POU3F3: variants seen among roughly 807,000 people sequenced by gnomAD.
POU3F3 encodes the protein POU class 3 homeobox 3, also known as POU domain, class 3, transcription factor 3.
POU3F3 carries 1 observed loss-of-function variant against 8.6 expected under a neutral mutation model. That is an observed-to-expected ratio of 0.12 (90% confidence interval 0.04 to 0.55). The LOEUF (loss-of-function observed/expected upper bound fraction) is 0.55. POU3F3 is among the 20% of genes least tolerant of loss of function. The pLI is 0.91. For missense variants in POU3F3, 577 were observed against 690.7 expected, an observed-to-expected ratio of 0.84 and a Z score of 1.84; for synonymous variants, 418 against 327.4, an observed-to-expected ratio of 1.28 and a Z score of -2.99.
chr2:104,884,688 T>C, the POU3F3 span, among the ~76,000 whole-genome samples: 1 of 152,198 alleles, frequency 6.6e-6, no homozygotes, highest in African/African-American at 2.4e-5. Context: ...ACAAGGACTC[T>C]TCTCTAACTC....
Position 104,856,830 on chromosome 2 carries a change from C to G in POU3F3, c.1320C>G (p.Ala440=). The change falls in exon 1 of 1, where the codon GCC becomes GCG. Residue 440 remains alanine, a synonymous_variant. Transcript: ENST00000361360. ...KPSAQEITNL[A]DSLQLEKEVV... The stretch of plus-strand genomic sequence containing the variant: ...CCGCGCAGGAGATCACCAACCTGGC[C>G]GACAGCCTGCAGCTCGAGAAGGAGG... 1 of 1,614,116 alleles carries G rather than the reference C, an allele frequency of 6.2e-7. No individual in the cohort carries two copies.
the POU3F3 span, among the ~76,000 whole-genome samples, chr2:104,895,317 G>T: frequency 6.6e-6 from 1 of 152,132 alleles, no homozygotes; most frequent in African/African-American, 2.4e-5. Flanking sequence ...CAAAATACAA[G>T]CAGGCGCTAT....
the POU3F3 span, among the ~76,000 whole-genome samples, chr2:104,902,382 A>G: frequency 6.6e-6 from 1 of 152,182 alleles, no homozygotes; most frequent in Non-Finnish European, 1.5e-5. Context: ...CTCTTTAGAG[A>G]TCAAAGAAAT....
At position 104,854,995 on chromosome 2, in the gene POU3F3, G is replaced by T. The variant is rs760380096; in HGVS notation, c.-516G>T. Among the ~76,000 whole-genome samples, 1 of 152,160 alleles carries T rather than the reference G, an allele frequency of 6.6e-6. No individual in the cohort carries two copies. The highest frequency in any genetic ancestry group is 1.5e-5 in the Non-Finnish European group (1 of 67,996). ...AGCAGGTGGACGGAGCCCCGCGACC[G>T]GGCAGAGTCCGGGCTCGCCCGAGGA... On this transcript the variant is annotated 5_prime_UTR_variant, in exon 1 of 1. Coordinates refer to ENST00000361360, the MANE Select transcript of POU3F3 (RefSeq NM_006236.3). The surrounding 1 kb of genome is among the most constrained non-coding windows in gnomAD (Gnocchi z 4.5).
the POU3F3 span, among the ~76,000 whole-genome samples, chr2:104,909,284 G>A: frequency 2.6e-5 from 4 of 152,226 alleles, no homozygotes; most frequent in African/African-American, 9.6e-5. Flanking sequence ...ACTGCCTGAT[G>A]AGGGAGAAAA....
chr2:104,864,349 T>TC, the POU3F3 span, among the ~76,000 whole-genome samples: 2 of 151,864 alleles, frequency 1.3e-5, no homozygotes, highest in African/African-American at 2.4e-5. Context: ...CATTCCCCCT[T>TC]CCCCCCGCAC....
chr2:104,897,783 A>G, the POU3F3 span, among the ~76,000 whole-genome samples: 1 of 152,220 alleles, frequency 6.6e-6, no homozygotes, highest in Non-Finnish European at 1.5e-5. Flanking sequence ...ATGCATTTCA[A>G]CCAAGGTTTA....
the POU3F3 span, among the ~76,000 whole-genome samples, chr2:104,893,243 AACTCTCCGATGG>A: frequency 2.0e-5 from 3 of 152,332 alleles, no homozygotes; most frequent in East Asian, 5.8e-4. Context: ...ATGAGTTAGA[AACTCTCCGATGG>A]TGAGGATGGT....
the POU3F3 span, among the ~76,000 whole-genome samples, chr2:104,916,959 T>C: frequency 6.6e-6 from 1 of 152,168 alleles, no homozygotes; most frequent in Non-Finnish European, 1.5e-5. Context: ...CCAATGTGGG[T>C]GGGCACCATC....
At chr2:104,866,179 C>T in the POU3F3 span, 43 of 152,066 alleles carry the variant, frequency 2.8e-4, no homozygotes, top group Admixed American at 2.8e-3. Context: ...TAACAAGAGA[C>T]GGGTATTAAG....
the POU3F3 span, among the ~76,000 whole-genome samples, chr2:104,909,527 G>A: frequency 1.1e-4 from 17 of 152,338 alleles, no homozygotes; most frequent in Admixed American, 7.8e-4. Context: ...TGTTCCGGCC[G>A]GACATGGCCC....
downstream of POU3F3, among the ~76,000 whole-genome samples, chr2:104,863,031 G>GC (rs1454854193): frequency 6.6e-6 from 1 of 151,660 alleles, no homozygotes; most frequent in Non-Finnish European, 1.5e-5. Flanking sequence ...GTCTATCGGG[G>GC]TTACTGATAA....
At position 104,855,920 on chromosome 2, in the gene POU3F3, CG is replaced by C; in HGVS notation, c.411del (p.Gln138SerfsTer12). ...ATGGCTGGCAGCCCCCAGCAGCCACCGCAGCCGCCGCCGCCACCGCCGCAGG... is the reference window on the plus strand; with the variant it reads ...ATGGCTGGCAGCCCCCAGCAGCCACCCAGCCGCCGCCGCCACCGCCGCAGG... ...VGMAGSPQQP[P>X]QPPPPPPQGP... is the part of the protein sequence containing the mutation. On this transcript the variant is annotated frameshift_variant, in exon 1 of 1. Transcript: ENST00000361360. LOFTEE classifies it low-confidence loss of function (END_TRUNC). 9.4e-7 allele frequency: 1 copy of C among 1,063,860 alleles called. No individual in the cohort carries two copies. The allele number at this position is 1,063,860 out of a possible 1,614,324, so 65.9% of individuals were successfully genotyped here.
chr2:104,912,784 C>T, the POU3F3 span, among the ~76,000 whole-genome samples: 4 of 152,296 alleles, frequency 2.6e-5, no homozygotes, highest in Non-Finnish European at 5.9e-5. Flanking sequence ...TGAGCAGCCC[C>T]GTGTGACCCC....
At chr2:104,872,048 C>T in the POU3F3 span, among the ~76,000 whole-genome samples, 4 of 151,940 alleles carry the variant, frequency 2.6e-5, no homozygotes, top group Non-Finnish European at 5.9e-5. This position sits in a 1 kb window ranked among gnomAD's most constrained non-coding sequence, Gnocchi z 4.6. Context: ...TCATCGCGCT[C>T]CCCACCCCCG....
At position 104,856,662 on chromosome 2, in the gene POU3F3, G is replaced by A. The variant is rs1284873327; in HGVS notation, c.1152G>A (p.Leu384=). 1.9e-6 allele frequency: 3 copies of A among 1,614,192 alleles called. No homozygotes were observed. The highest frequency in any genetic ancestry group is 2.5e-6 in the Non-Finnish European group (3 of 1,180,050). ...TCAAGCCGCTGCTGAACAAGTGGCT[G>A]GAGGAGGCGGACTCAAGCACCGGCA... The part of the protein sequence containing the change: ...CKLKPLLNKW[L]EEADSSTGSP... The change falls in exon 1 of 1, where the codon CTG becomes CTA. Residue 384 remains leucine, a synonymous_variant. Coordinates refer to ENST00000361360, the MANE Select transcript of POU3F3 (RefSeq NM_006236.3).
the POU3F3 span, among the ~76,000 whole-genome samples, chr2:104,863,852 G>A: frequency 3.3e-5 from 5 of 152,250 alleles, no homozygotes; most frequent in African/African-American, 7.2e-5. Flanking sequence ...CTAGTGCACT[G>A]GCAGGGCTCA....
At chr2:104,886,657 C>T in the POU3F3 span, among the ~76,000 whole-genome samples, 1 of 152,142 alleles carries the variant, frequency 6.6e-6, no homozygotes, top group Non-Finnish European at 1.5e-5. Flanking sequence ...CCTGTAATCC[C>T]AGGACTTTTA....
the POU3F3 span, among the ~76,000 whole-genome samples, chr2:104,875,743 G>A: frequency 5.3e-5 from 8 of 152,144 alleles, no homozygotes; most frequent in African/African-American, 1.9e-4. Flanking sequence ...TTGAGATGGA[G>A]TCTCGCTCTG....
Sources: allele counts gnomAD v4.1 joint callset (sites outside exome capture counted in the v4.1 genomes callset), GRCh38; gene constraint gnomAD v4.1.1; non-coding constraint Gnocchi (gnomAD v3.1); transcripts MANE v1.5; gene names NCBI Gene and HGNC (gene_info 2026-07-23, HGNC 2026-07-21).